Variants in TRPC1 observed in about 807,000 individuals in gnomAD.
TRPC1 encodes the protein transient receptor potential cation channel subfamily C member 1.
In TRPC1, 42 loss-of-function variants were observed where a neutral mutation model predicts 88.2. That is an observed-to-expected ratio of 0.48 (90% CI 0.37 to 0.62). The LOEUF (loss-of-function observed/expected upper bound fraction) is 0.62, where lower values mean the gene tolerates loss of function less well. TRPC1 is among the 20% of genes least tolerant of loss of function. The pLI, the probability that TRPC1 is intolerant of heterozygous loss-of-function variation, is 0.00. For missense variants in TRPC1, 699 were observed against 957.3 expected, an observed-to-expected ratio of 0.73 and a Z score of 3.56; for synonymous variants, 288 against 331.8, an observed-to-expected ratio of 0.87 and a Z score of 1.43.
chr3:142,748,706 A>G (rs1934645359), intron 4 of TRPC1, among the ~76,000 whole-genome samples: 1 of 152,214 alleles, frequency 6.6e-6, no homozygotes, highest in Non-Finnish European at 1.5e-5. Context: ...TCCTGCTGGC[A>G]GGGGCACTAT....
At chr3:142,749,233 G>A (rs1432225580) in intron 4 of TRPC1, among the ~76,000 whole-genome samples, 1 of 152,064 alleles carries the variant, frequency 6.6e-6, no homozygotes. Context: ...TGGTGATGCT[G>A]GTGTAAACAA....
intron 4 of TRPC1, among the ~76,000 whole-genome samples, chr3:142,770,093 CTT>C (rs779905124): frequency 1.2e-3 from 111 of 95,220 alleles, no homozygotes; most frequent in African/African-American, 5.0e-3. Context: ...TTGTATGTTC[CTT>C]TTTTTTTTTT....
chr3:142,749,652 A>T (rs182888102), intron 4 of TRPC1, among the ~76,000 whole-genome samples: 42 of 152,338 alleles, frequency 2.8e-4, no homozygotes, highest in African/African-American at 9.9e-4. Context: ...TGGAGGCATC[A>T]CGCTACCTGA....
intron 3 of TRPC1, 27 bp from the exon 4 acceptor site, chr3:142,748,229 CTT>C: frequency 2.5e-6 from 4 of 1,569,402 alleles, no homozygotes; most frequent in Non-Finnish European, 3.5e-6. Context: ...CAAATAATAA[CTT>C]TGGACATTTA....
chr3:142,753,492 G>T (rs1165171267), intron 4 of TRPC1, among the ~76,000 whole-genome samples: 1 of 152,080 alleles, frequency 6.6e-6, no homozygotes, highest in Non-Finnish European at 1.5e-5. Flanking sequence ...GAGACCGGGC[G>T]CGGTGGCTCA....
chr3:142,798,631 C>G (rs973390202), intron 9 of TRPC1, among the ~76,000 whole-genome samples: 1 of 152,038 alleles, frequency 6.6e-6, no homozygotes, highest in African/African-American at 2.4e-5. Context: ...ATAGTTGGAC[C>G]GTGGATTGGA....
intron 3 of TRPC1, among the ~76,000 whole-genome samples, chr3:142,746,661 A>G (rs891328916): frequency 3.9e-5 from 6 of 152,218 alleles, no homozygotes; most frequent in African/African-American, 1.2e-4. Flanking sequence ...GGGAGTGATC[A>G]TGCCTAAGAC....
intron 9 of TRPC1, among the ~76,000 whole-genome samples, chr3:142,800,212 C>T (rs1272833000): frequency 6.6e-6 from 1 of 152,126 alleles, no homozygotes; most frequent in East Asian, 1.9e-4. Flanking sequence ...CTCCTTCTTA[C>T]ATATTTTGAG....
rs1258830851 is a variant in TRPC1 at position 142,795,532 on chromosome 3, C to A, written c.1581+2565C>A. ...ATGACAGTAGATTTCTTGTCAGAAA[C>A]AGTGCAAGCAAGGAGGCAGTGGAGT... On this transcript the variant is annotated intron_variant, in intron 9 of 12. Transcript: ENST00000476941. 2.6e-5 allele frequency among the ~76,000 whole-genome samples: 4 copies of A among 151,660 alleles called. No homozygotes were observed. In the East Asian group the frequency reaches 5.8e-4, roughly 22 times the overall value.
At chr3:142,784,567 G>GA (rs1038159127) in intron 6 of TRPC1, 137 bp from the exon 7 acceptor site, 3 of 728,112 alleles carry the variant, frequency 4.1e-6, no homozygotes, top group Admixed American at 6.4e-5. Flanking sequence ...TAGAAAAAGG[G>GA]AAAAAACAAA....
chr3:142,781,781 G>A (rs1450802470), intron 6 of TRPC1, among the ~76,000 whole-genome samples: 1 of 151,964 alleles, frequency 6.6e-6, no homozygotes, highest in African/African-American at 2.4e-5. Flanking sequence ...TTGATAAATG[G>A]TATTTATTAG....
At chr3:142,763,663 C>T (rs1347152346) in intron 4 of TRPC1, among the ~76,000 whole-genome samples, 3 of 151,746 alleles carry the variant, frequency 2.0e-5, no homozygotes, top group Non-Finnish European at 4.4e-5. Flanking sequence ...CAATTGAGAC[C>T]ATTTACATTC....
At chr3:142,793,746 T>C in intron 9 of TRPC1, 1 of 666,504 alleles carries the variant, frequency 1.5e-6, no homozygotes, top group Non-Finnish European at 1.9e-6. Flanking sequence ...AATATTCATT[T>C]TTCCTTAAGT....
chr3:142,755,199 G>T (rs1169409127), intron 4 of TRPC1, among the ~76,000 whole-genome samples: 1 of 152,014 alleles, frequency 6.6e-6, no homozygotes, highest in Non-Finnish European at 1.5e-5. Context: ...GAGGCAGGTG[G>T]ATCACCTGAG....
chr3:142,806,372 C>CATAA lies in TRPC1; in HGVS notation c.*141_*144dup. The CATAA allele has an allele frequency of 1.3e-6, 1 of 751,034 alleles. No homozygotes were observed. Among genetic ancestry groups the CATAA allele is most frequent in the Non-Finnish European group, 2.1e-6 (1 of 480,166 alleles). The allele number at this position is 751,034 out of a possible 1,614,324, so 46.5% of individuals were successfully genotyped here. A position where few individuals can be genotyped will look rare whatever the true frequency, so the allele number is the denominator to read the frequency against. ...AAGCCATTCTTTAAAATATTTATAGCATAAATATATGTTATGTAAAGTGTG... is the reference window on the plus strand; with the variant it reads ...AAGCCATTCTTTAAAATATTTATAGCATAAATAAATATATGTTATGTAAAGTGTG... On this transcript the variant is annotated 3_prime_UTR_variant, in exon 13 of 13. Coordinates refer to ENST00000476941, the MANE Select transcript of TRPC1 (RefSeq NM_001251845.2).
intron 1 of TRPC1, 55 bp from the exon 2 acceptor site, chr3:142,736,324 C>A: frequency 7.4e-7 from 1 of 1,352,914 alleles, no homozygotes; most frequent in South Asian, 1.8e-5. Flanking sequence ...TCTTTACAGT[C>A]ATCCTTACTT....
Position 142,724,438 on chromosome 3 carries a change from A to T in TRPC1, c.-122A>T, listed in dbSNP as rs1199095992. ...TTCGGGGCCAACGGGCCTCGAGCCG[A>T]GGCAGCAGTGGGAACGACTCATCCT... On this transcript the variant is annotated 5_prime_UTR_variant, in exon 1 of 13. Transcript: ENST00000476941. The surrounding 1 kb of genome is among the most constrained non-coding windows in gnomAD (Gnocchi z 5.6). 1 of 984,114 alleles carries T rather than the reference A, an allele frequency of 1.0e-6. No homozygotes were observed. Among genetic ancestry groups the T allele is most frequent in the Non-Finnish European group, 1.4e-6 (1 of 714,860 alleles). 61.0% of individuals were successfully genotyped at this position (984,114 alleles called of 1,614,324 possible). A position where few individuals can be genotyped will look rare whatever the true frequency, so the allele number is the denominator to read the frequency against.
chr3:142,731,521 A>G (rs571228014), intron 1 of TRPC1, among the ~76,000 whole-genome samples: 357 of 151,550 alleles, frequency 2.4e-3, no homozygotes, highest in Non-Finnish European at 4.0e-3. Flanking sequence ...AGTAGCTGGG[A>G]CTACAGGTGC....
intron 9 of TRPC1, among the ~76,000 whole-genome samples, chr3:142,794,943 C>A (rs1317695320): frequency 6.6e-6 from 1 of 152,012 alleles, no homozygotes; most frequent in East Asian, 1.9e-4. Flanking sequence ...GATAAGGACT[C>A]TTCAGCAGTT....
Sources: allele counts gnomAD v4.1 joint callset (sites outside exome capture counted in the v4.1 genomes callset), GRCh38; gene constraint gnomAD v4.1.1; non-coding constraint Gnocchi (gnomAD v3.1); transcripts MANE v1.5; gene names NCBI Gene and HGNC (gene_info 2026-07-23, HGNC 2026-07-21).